The following AMOTL1 variants were observed in gnomAD, a reference collection of about 807,000 sequenced individuals.
The protein encoded by AMOTL1 is angiomotin-like protein 1.
In AMOTL1, 45 loss-of-function variants were observed where a neutral mutation model predicts 102.9. The ratio of observed to expected loss-of-function variants is 0.44; its 90% CI spans 0.34 to 0.56. The LOEUF (loss-of-function observed/expected upper bound fraction) is 0.56. AMOTL1 is among the 20% of genes least tolerant of loss of function. AMOTL1 has a pLI of 0.01. For missense variants in AMOTL1, 1,114 were observed against 1,225.6 expected, an observed-to-expected ratio of 0.91 and a Z score of 1.36; for synonymous variants, 481 against 484.7, an observed-to-expected ratio of 0.99 and a Z score of 0.10.
rs1951347126 is a variant in AMOTL1 at position 94,795,291 on chromosome 11, TTGTC to T, written c.199+135_199+138del. 6.5e-6 allele frequency: 8 copies of T among 1,232,512 alleles called. 1 individual carries two copies. The highest frequency in any genetic ancestry group is 4.5e-5 in the South Asian group (3 of 66,924). 76.3% of individuals were successfully genotyped at this position (1,232,512 alleles called of 1,614,324 possible). A position where few individuals can be genotyped will look rare whatever the true frequency, so the allele number is the denominator to read the frequency against. On this transcript the variant is annotated intron_variant, in intron 2 of 12. Transcript: ENST00000433060. ...TTAAATCATCATATTGGATTATTGA[TTGTC>T]TGTTCATAGATGCCTTATTTTTAAT...
chr11:94,804,327 G>A lies in AMOTL1; in HGVS notation c.1121+4016G>A, dbSNP rs371597729. Reference sequence around the variant, plus strand: ...TTGTTGTTGTCTTGAGATGCCTGTCGCTCAGGCTGGAGTGCAGCAGTGCAG... The same window carrying A: ...TTGTTGTTGTCTTGAGATGCCTGTCACTCAGGCTGGAGTGCAGCAGTGCAG... On this transcript the variant is annotated intron_variant, in intron 3 of 12. Transcript: ENST00000433060. Among the ~76,000 whole-genome samples, 52 of 152,226 alleles carry A rather than the reference G, an allele frequency of 3.4e-4. 1 individual carries two copies. The highest frequency in any genetic ancestry group is 1.1e-3 in the African/African-American group (45 of 41,538).
rs375455955 is a variant in AMOTL1, at chr11:94,869,173, T to C, written c.2489-25T>C. The C allele has an allele frequency of 2.5e-5, 38 of 1,532,098 alleles. No individual in the cohort carries two copies. The African/African-American group carries it at 4.8e-4, about 19-fold the overall frequency. 94.9% of individuals were successfully genotyped at this position (1,532,098 alleles called of 1,614,324 possible). Reference sequence around the variant, plus strand: ...AAAAAAAAAAGGAAAAAAAGAATGTTGAAAAATCTGTTCTCTGCCCTCAGG... The same window carrying C: ...AAAAAAAAAAGGAAAAAAAGAATGTCGAAAAATCTGTTCTCTGCCCTCAGG... On this transcript the variant is annotated intron_variant, in intron 11 of 12. Transcript: ENST00000433060.
rs1487501038 is a variant in AMOTL1, at chr11:94,841,782, T to G, written c.1649-8332T>G. On this transcript the variant is annotated intron_variant, in intron 6 of 12. Coordinates refer to ENST00000433060, the MANE Select transcript of AMOTL1 (RefSeq NM_130847.3). ...TTTGTAAAGTGCATATGTAATAAAC[T>G]TGGGTGGGTAAAAAAACCTCTGAAT... Among the ~76,000 whole-genome samples, 5 of 152,194 alleles carry G rather than the reference T, an allele frequency of 3.3e-5. No homozygotes were observed. In the East Asian group the frequency reaches 9.6e-4, roughly 29 times the overall value.
chr11:94,802,213 C>T (rs1017371140), intron 3 of AMOTL1, among the ~76,000 whole-genome samples: 2 of 152,212 alleles, frequency 1.3e-5, no homozygotes, highest in Admixed American at 6.5e-5. Context: ...GGCTCTTCTT[C>T]CCCCTTTATA....
Position 94,862,252 on chromosome 11 carries a change from C to CT in AMOTL1, c.2136-2479dup, listed in dbSNP as rs200650743. Among the ~76,000 whole-genome samples the CT allele has an allele frequency of 8.6e-3, 1,312 of 152,286 alleles. 19 individuals carry two copies. Among genetic ancestry groups the CT allele is most frequent in the South Asian group, 0.051 (248 of 4,826 alleles). On this transcript the variant is annotated intron_variant, in intron 9 of 12. Transcript: ENST00000433060. ...CTCAGATAGCTCCAATCTTAATGTT[C>CT]TTTTCAAAGAAAACCTCTGTCATTT...
At chr11:94,740,610 G>T (rs1950507066) in intron 2 of AMOTL1, among the ~76,000 whole-genome samples, 1 of 151,826 alleles carries the variant, frequency 6.6e-6, no homozygotes, top group African/African-American at 2.4e-5. Context: ...AATGCGCCCC[G>T]CGGGCTGAGG....
At position 94,870,920 on chromosome 11, in the gene AMOTL1, A is replaced by T; in HGVS notation, c.*125A>T. On this transcript the variant is annotated 3_prime_UTR_variant, in exon 13 of 13. Transcript: ENST00000433060. The stretch of plus-strand genomic sequence containing the variant: ...TGATTTGAACTGATAAAGATTTCAG[A>T]CTCATAAGAACACATTTTATAAATG... The T allele has an allele frequency of 1.5e-6, 1 of 671,822 alleles. No individual in the cohort carries two copies. Among genetic ancestry groups the T allele is most frequent in the East Asian group, 2.8e-5 (1 of 35,910 alleles). 41.6% of individuals were successfully genotyped at this position (671,822 alleles called of 1,614,324 possible).
chr11:94,868,349 C>T (rs188014540), intron 11 of AMOTL1, among the ~76,000 whole-genome samples: 7 of 152,284 alleles, frequency 4.6e-5, no homozygotes, highest in South Asian at 4.1e-4. Flanking sequence ...CACTTTCCCG[C>T]GTGTGTGCTG....
chr11:94,759,435 A>G (rs1401600787), intron 3 of AMOTL1, among the ~76,000 whole-genome samples: 1 of 152,220 alleles, frequency 6.6e-6, no homozygotes, highest in Non-Finnish European at 1.5e-5. Flanking sequence ...AGTATCTGGT[A>G]CTAGCTAAGA....
At chr11:94,854,145 G>A in intron 8 of AMOTL1, 63 bp downstream of exon 8, 1 of 1,457,792 alleles carries the variant, frequency 6.9e-7, no homozygotes, top group South Asian at 1.5e-5. Flanking sequence ...ACGTATGGAT[G>A]TTCTACCATG....
chr11:94,753,003 T>G (rs1416309660), intron 3 of AMOTL1, among the ~76,000 whole-genome samples: 2 of 152,202 alleles, frequency 1.3e-5, no homozygotes, highest in African/African-American at 4.8e-5. Context: ...GACTTTAGGC[T>G]CCTTTTATAA....
chr11:94,723,199 C>T (rs752800536), intron 1 of AMOTL1, among the ~76,000 whole-genome samples: 1 of 152,036 alleles, frequency 6.6e-6, no homozygotes, highest in Non-Finnish European at 1.5e-5. Flanking sequence ...GAAGGGTGAA[C>T]AAGATGTGAT....
intron 1 of AMOTL1, among the ~76,000 whole-genome samples, chr11:94,720,841 C>T (rs533575238): frequency 6.6e-6 from 1 of 152,006 alleles, no homozygotes; most frequent in Non-Finnish European, 1.5e-5. Flanking sequence ...AAATGGGGTG[C>T]CTAGGGATTG....
At chr11:94,743,242 TC>T (rs1950550001) in intron 3 of AMOTL1, among the ~76,000 whole-genome samples, 1 of 152,190 alleles carries the variant, frequency 6.6e-6, no homozygotes, top group Non-Finnish European at 1.5e-5. Flanking sequence ...TAAGGCGTCT[TC>T]CAGTTCTATT....
intron 3 of AMOTL1, 96 bp downstream of exon 3, chr11:94,800,407 A>G: frequency 7.3e-7 from 1 of 1,370,336 alleles, no homozygotes; most frequent in Non-Finnish European, 9.8e-7. Flanking sequence ...GGTTTTTGTC[A>G]TCAGGCTTTT....
chr11:94,764,849 G>A (rs1037843053), upstream of AMOTL1, among the ~76,000 whole-genome samples: 3 of 152,222 alleles, frequency 2.0e-5, no homozygotes, highest in Non-Finnish European at 4.4e-5. Flanking sequence ...CCCAGCACTT[G>A]ACCTGTATTA....
chr11:94,865,176 T>C (rs1952856427), intron 10 of AMOTL1, among the ~76,000 whole-genome samples: 1 of 152,186 alleles, frequency 6.6e-6, no homozygotes, highest in African/African-American at 2.4e-5. Flanking sequence ...TCTATGACAT[T>C]ATGAGCTGAA....
At chr11:94,725,579 G>A (rs1950244785) in intron 1 of AMOTL1, among the ~76,000 whole-genome samples, 1 of 152,112 alleles carries the variant, frequency 6.6e-6, no homozygotes, top group African/African-American at 2.4e-5. Context: ...TATATTAACA[G>A]AAAATTGCAA....
At chr11:94,813,441 C>T (rs1158678837) in intron 3 of AMOTL1, among the ~76,000 whole-genome samples, 2 of 152,172 alleles carry the variant, frequency 1.3e-5, no homozygotes, top group African/African-American at 4.8e-5. Context: ...ATCAACGTTC[C>T]CCAGGCAAGG....
Sources: gnomAD v4.1 joint callset for allele counts (sites outside exome capture counted in the v4.1 genomes callset) on GRCh38, gnomAD v4.1.1 for gene constraint, MANE v1.5 for transcripts, NCBI Gene and HGNC (gene_info 2026-07-23, HGNC 2026-07-21) for gene names.